Variants in CRIM1 observed in about 807,000 individuals in gnomAD.
The protein encoded by CRIM1 is cysteine rich transmembrane BMP regulator 1.
CRIM1 carries 32 observed loss-of-function variants against 116.4 expected under a neutral mutation model. The ratio of observed to expected loss-of-function variants is 0.27; its 90% confidence interval spans 0.21 to 0.37. The LOEUF (loss-of-function observed/expected upper bound fraction) is 0.37, where lower values mean the gene tolerates loss of function less well. Among genes scored for constraint, CRIM1 ranks in the 10% least tolerant of loss-of-function variants. The pLI is 1.00. For missense variants in CRIM1, 1,331 were observed against 1,354.8 expected, an observed-to-expected ratio of 0.98 and a Z score of 0.28; for synonymous variants, 590 against 509.2, an observed-to-expected ratio of 1.16 and a Z score of -2.13.
chr2:36,463,751 C>G (rs943447011), intron 4 of CRIM1, among the ~76,000 whole-genome samples: 5 of 152,080 alleles, frequency 3.3e-5, no homozygotes, highest in Admixed American at 2.6e-4. Context: ...GCAGCAGCAT[C>G]GAAGTTAGGG....
chr2:36,397,256 A>T (rs181860706), intron 2 of CRIM1, among the ~76,000 whole-genome samples: 10 of 152,360 alleles, frequency 6.6e-5, no homozygotes, highest in Non-Finnish European at 1.3e-4. Context: ...CAGGAATCAC[A>T]TAGGGCGTGG....
At chr2:36,532,159 A>C (rs1451125942) in intron 13 of CRIM1, 2 of 357,500 alleles carry the variant, frequency 5.6e-6, no homozygotes, top group Admixed American at 3.9e-5. Context: ...CACGTTTCAA[A>C]ATTGGCCCTG....
At chr2:36,444,679 C>T (rs898711947) in intron 4 of CRIM1, among the ~76,000 whole-genome samples, 5 of 152,312 alleles carry the variant, frequency 3.3e-5, no homozygotes, top group African/African-American at 4.8e-5. Flanking sequence ...GATAGGTTCT[C>T]ACAGCTCTTT....
chr2:36,531,907 G>A (rs1482633067), intron 13 of CRIM1: 1 of 471,036 alleles, frequency 2.1e-6, no homozygotes, highest in Non-Finnish European at 4.4e-6. Flanking sequence ...AGCATCCCAT[G>A]AGGTAAGCAG....
chr2:36,442,117 C>T lies in CRIM1; in HGVS notation c.749-498C>T, dbSNP rs191775632. ...GTTTCTTGCTTTATATTATTTCTAA[C>T]ATCCTTGCTCTTGTGGCAGCATTTC... On this transcript the variant is annotated intron_variant, in intron 3 of 16. Transcript: ENST00000280527. Among the ~76,000 whole-genome samples the T allele has an allele frequency of 3.4e-3, 514 of 152,326 alleles. 2 individuals carry two copies. The highest frequency in any genetic ancestry group is 4.8e-3 in the Non-Finnish European group (328 of 68,026).
At chr2:36,479,025 G>T (rs955640336) in intron 6 of CRIM1, among the ~76,000 whole-genome samples, 2 of 152,112 alleles carry the variant, frequency 1.3e-5, no homozygotes, top group African/African-American at 4.8e-5. Context: ...TGCCCACATG[G>T]TCGTGCAGGT....
intron 14 of CRIM1, among the ~76,000 whole-genome samples, chr2:36,542,479 C>A (rs1667015704): frequency 6.6e-6 from 1 of 152,178 alleles, no homozygotes; most frequent in Non-Finnish European, 1.5e-5. Flanking sequence ...AAAAGAATTC[C>A]AAAGTTACGT....
intron 6 of CRIM1, among the ~76,000 whole-genome samples, chr2:36,478,404 G>T (rs1175643074): frequency 6.6e-6 from 1 of 152,192 alleles, no homozygotes; most frequent in Non-Finnish European, 1.5e-5. Flanking sequence ...CCTCTGTGTA[G>T]TCATCATACT....
intron 13 of CRIM1, chr2:36,531,712 C>T: frequency 3.1e-6 from 1 of 323,584 alleles, no homozygotes; most frequent in Non-Finnish European, 6.1e-6. Context: ...ATTTCAAGGC[C>T]TTGCCGCTTC....
chr2:36,411,568 A>C (rs1300145059), intron 2 of CRIM1, among the ~76,000 whole-genome samples: 1 of 152,222 alleles, frequency 6.6e-6, no homozygotes, highest in African/African-American at 2.4e-5. Flanking sequence ...GAATTTATAT[A>C]GCTACATGTA....
Position 36,521,136 on chromosome 2 carries a change from T to C in CRIM1, c.2207-956T>C, listed in dbSNP as rs1434342720. Among the ~76,000 whole-genome samples the C allele has an allele frequency of 3.9e-5, 6 of 152,132 alleles. No homozygotes were observed. In the East Asian group the frequency reaches 1.2e-3, roughly 29 times the overall value. On this transcript the variant is annotated intron_variant, in intron 12 of 16. Coordinates refer to ENST00000280527, the MANE Select transcript of CRIM1 (RefSeq NM_016441.3). ...TCATATTGCTGCTTGAAGTTACAAT[T>C]TTCATTGATTTTAGTGGAAACCGAT...
At chr2:36,367,121 T>G (rs1007877635) in intron 1 of CRIM1, among the ~76,000 whole-genome samples, 1 of 152,220 alleles carries the variant, frequency 6.6e-6, no homozygotes, top group South Asian at 2.1e-4. Context: ...CAGTTTTGTC[T>G]GTGGAAGTCA....
chr2:36,509,834 C>G (rs1401001500), intron 8 of CRIM1, 149 bp from the exon 9 acceptor site: 1 of 661,228 alleles, frequency 1.5e-6, no homozygotes, highest in African/African-American at 1.8e-5. Context: ...ATAGCACAGT[C>G]TATGCTTTTT....
intron 5 of CRIM1, among the ~76,000 whole-genome samples, chr2:36,476,558 C>G (rs1678991050): frequency 6.6e-6 from 1 of 152,102 alleles, no homozygotes; most frequent in South Asian, 2.1e-4. Flanking sequence ...ATGATTTAAC[C>G]AAACAAATAG....
intron 2 of CRIM1, among the ~76,000 whole-genome samples, chr2:36,402,671 G>C (rs1021643283): frequency 6.6e-6 from 1 of 151,372 alleles, no homozygotes; most frequent in Non-Finnish European, 1.5e-5. Flanking sequence ...AGTAGTTCAT[G>C]TAAGAGATAA....
chr2:36,462,117 A>G (rs971852240), intron 4 of CRIM1, among the ~76,000 whole-genome samples: 3 of 152,140 alleles, frequency 2.0e-5, no homozygotes, highest in Non-Finnish European at 4.4e-5. Flanking sequence ...ATTCAGCATA[A>G]AACATTTTCC....
intron 13 of CRIM1, among the ~76,000 whole-genome samples, chr2:36,533,810 A>G (rs1666284547): frequency 6.6e-6 from 1 of 152,146 alleles, no homozygotes; most frequent in Admixed American, 6.5e-5. Context: ...ATTATTCTAC[A>G]TAGGTCAGTA....
At chr2:36,503,094 T>C (rs952275493) in intron 8 of CRIM1, among the ~76,000 whole-genome samples, 3 of 152,210 alleles carry the variant, frequency 2.0e-5, no homozygotes, top group African/African-American at 7.2e-5. Context: ...CCAGGTTATT[T>C]GGCAACTTTG....
intron 1 of CRIM1, chr2:36,379,250 T>A (rs931187907): frequency 6.6e-6 from 1 of 152,242 alleles, no homozygotes; most frequent in Non-Finnish European, 1.5e-5. Context: ...GGTTCTTGTG[T>A]GGCAAAATTA....
Sources: gnomAD v4.1 joint callset for allele counts (sites outside exome capture counted in the v4.1 genomes callset) on GRCh38, gnomAD v4.1.1 for gene constraint, MANE v1.5 for transcripts, NCBI Gene and HGNC (gene_info 2026-07-23, HGNC 2026-07-21) for gene names.